The following LDLRAD3 variants were observed in gnomAD, a reference collection of about 807,000 sequenced individuals.
The protein encoded by LDLRAD3 is low density lipoprotein receptor class A domain containing 3.
LDLRAD3 carries 20 observed loss-of-function variants against 29.4 expected under a neutral mutation model. The ratio of observed to expected loss-of-function variants is 0.68; its 90% CI spans 0.48 to 0.99. The LOEUF is 0.99. LDLRAD3 is among the 50% of genes least tolerant of loss of function. LDLRAD3 has a pLI of 0.00. For missense variants in LDLRAD3, 420 were observed against 454.3 expected (o/e 0.92, Z 0.69); for synonymous variants, 157 against 192.7 (o/e 0.81, Z 1.53).
At chr11:35,990,797 A>C (rs1229123394) in intron 1 of LDLRAD3, among the ~76,000 whole-genome samples, 1 of 152,192 alleles carries the variant, frequency 6.6e-6, no homozygotes, top group African/African-American at 2.4e-5. Context: ...TCATTGCATT[A>C]GAACTCACCT....
At chr11:36,029,386 G>C (rs1488403982) in intron 1 of LDLRAD3, among the ~76,000 whole-genome samples, 1 of 135,506 alleles carries the variant, frequency 7.4e-6, no homozygotes, top group African/African-American at 2.5e-5. Flanking sequence ...CAGGAGGAGG[G>C]ATGGGACAAG....
intron 2 of LDLRAD3, among the ~76,000 whole-genome samples, chr11:36,037,317 A>G (rs1321735531): frequency 6.6e-6 from 1 of 151,552 alleles, no homozygotes; most frequent in African/African-American, 2.4e-5. Context: ...AATCATTTGA[A>G]CTTTTTTTTT....
chr11:36,040,636 A>G (rs1852369055), intron 2 of LDLRAD3, among the ~76,000 whole-genome samples: 1 of 152,162 alleles, frequency 6.6e-6, no homozygotes, highest in Non-Finnish European at 1.5e-5. Context: ...TCACTTGTGA[A>G]CAGGAGGGTG....
intron 1 of LDLRAD3, among the ~76,000 whole-genome samples, chr11:36,018,521 G>T (rs1445105889): frequency 6.6e-6 from 1 of 151,644 alleles, no homozygotes; most frequent in African/African-American, 2.4e-5. Flanking sequence ...TTAAAGTTTT[G>T]GACTTTTACA....
intron 4 of LDLRAD3, among the ~76,000 whole-genome samples, chr11:36,137,181 C>A (rs1258345669): frequency 6.6e-6 from 1 of 152,144 alleles, no homozygotes; most frequent in Admixed American, 6.5e-5. Flanking sequence ...TGGCCAGCAA[C>A]CTGAACTGAG....
At chr11:36,185,045 A>G (rs998227910) in intron 4 of LDLRAD3, among the ~76,000 whole-genome samples, 1 of 152,098 alleles carries the variant, frequency 6.6e-6, no homozygotes, top group Non-Finnish European at 1.5e-5. Context: ...ATTTTACTCT[A>G]GAATTAGGTT....
At chr11:36,148,037 A>G (rs573103633) in intron 4 of LDLRAD3, among the ~76,000 whole-genome samples, 1 of 152,070 alleles carries the variant, frequency 6.6e-6, no homozygotes, top group African/African-American at 2.4e-5. Flanking sequence ...GCCTCGGCTA[A>G]TGGTTGTATT....
chr11:36,157,121 C>G (rs1195123108), intron 4 of LDLRAD3, among the ~76,000 whole-genome samples: 1 of 152,310 alleles, frequency 6.6e-6, no homozygotes, highest in East Asian at 1.9e-4. Context: ...CTTTTGGTCT[C>G]CTGCTGGAAA....
intron 1 of LDLRAD3, among the ~76,000 whole-genome samples, chr11:36,003,233 A>G (rs1851846000): frequency 6.6e-6 from 1 of 152,202 alleles, no homozygotes; most frequent in Non-Finnish European, 1.5e-5. Flanking sequence ...TGCAGGAAGT[A>G]TCTCCTATTA....
intron 4 of LDLRAD3, among the ~76,000 whole-genome samples, chr11:36,149,897 G>A (rs546287009): frequency 6.6e-4 from 101 of 152,262 alleles, no homozygotes; most frequent in African/African-American, 2.4e-3. Context: ...CATGACTCAT[G>A]ACTCATGAAT....
chr11:36,172,416 A>G (rs1051291055), intron 4 of LDLRAD3, among the ~76,000 whole-genome samples: 4 of 150,912 alleles, frequency 2.7e-5, no homozygotes, highest in Admixed American at 6.6e-5. Flanking sequence ...TCTCGGGGGG[A>G]CTGCTTTCAA....
intron 1 of LDLRAD3, among the ~76,000 whole-genome samples, chr11:36,017,057 G>A (rs1852032317): frequency 6.6e-6 from 1 of 152,236 alleles, no homozygotes; most frequent in African/African-American, 2.4e-5. Context: ...AGAACTGAGG[G>A]TTCTGGGAAT....
At chr11:35,947,362 T>C (rs148857733) in intron 1 of LDLRAD3, among the ~76,000 whole-genome samples, 66 of 151,968 alleles carry the variant, frequency 4.3e-4, no homozygotes, top group African/African-American at 1.6e-3. Context: ...ATACAAAAAT[T>C]AGCCAGGTGT....
intron 2 of LDLRAD3, among the ~76,000 whole-genome samples, chr11:36,058,144 C>G (rs548600612): frequency 6.6e-6 from 1 of 152,316 alleles, no homozygotes; most frequent in South Asian, 2.1e-4. Flanking sequence ...AGAGAGCCCT[C>G]CTGGCTGGTC....
At chr11:35,979,964 C>T (rs1851520611) in intron 1 of LDLRAD3, among the ~76,000 whole-genome samples, 2 of 152,128 alleles carry the variant, frequency 1.3e-5, no homozygotes, top group Non-Finnish European at 2.9e-5. Context: ...TGTCTCTTTG[C>T]TAGAAATATC....
intron 4 of LDLRAD3, among the ~76,000 whole-genome samples, chr11:36,160,887 C>A (rs1437516184): frequency 1.3e-5 from 2 of 152,100 alleles, no homozygotes; most frequent in Non-Finnish European, 2.9e-5. Context: ...CTCCGCCTCC[C>A]AGGTTCAAGT....
intron 4 of LDLRAD3, among the ~76,000 whole-genome samples, chr11:36,104,228 G>A (rs1013291515): frequency 3.3e-5 from 5 of 152,252 alleles, no homozygotes; most frequent in Admixed American, 1.3e-4. Context: ...GCGGGGAACC[G>A]AGGCCTGCCA....
chr11:35,986,049 T>C (rs1851611266), intron 1 of LDLRAD3, among the ~76,000 whole-genome samples: 1 of 152,020 alleles, frequency 6.6e-6, no homozygotes, highest in Non-Finnish European at 1.5e-5. Flanking sequence ...TTGATGACTT[T>C]TTGTGAGAAT....
intron 3 of LDLRAD3, among the ~76,000 whole-genome samples, chr11:36,096,327 A>G (rs931439163): frequency 2.0e-5 from 3 of 152,210 alleles, no homozygotes; most frequent in African/African-American, 7.2e-5. Context: ...TACAACTGCC[A>G]TCTTGCCGTT....
Sources: gnomAD v4.1 joint callset for allele counts (sites outside exome capture counted in the v4.1 genomes callset) on GRCh38, gnomAD v4.1.1 for gene constraint, MANE v1.5 for transcripts, NCBI Gene and HGNC (gene_info 2026-07-23, HGNC 2026-07-21) for gene names.